Variants in SYNPO2 observed in about 807,000 individuals in gnomAD.
SYNPO2 encodes synaptopodin-2.
In SYNPO2, 56 loss-of-function variants were observed where a neutral mutation model predicts 85.0. The observed-to-expected ratio is 0.66, with a 90% CI of 0.53 to 0.82. The LOEUF (loss-of-function observed/expected upper bound fraction) is 0.82. Among genes scored for constraint, SYNPO2 ranks in the 40% least tolerant of loss-of-function variants. The pLI, the probability that SYNPO2 is intolerant of heterozygous loss-of-function variation, is 0.00. For missense variants in SYNPO2, 1,575 were observed against 1,534.2 expected (o/e 1.03, Z -0.44); for synonymous variants, 602 against 591.1 (o/e 1.02, Z -0.27).
At chr4:118,875,161 A>T (rs2110574876) in intron 1 of SYNPO2, among the ~76,000 whole-genome samples, 1 of 152,314 alleles carries the variant, frequency 6.6e-6, no homozygotes, top group South Asian at 2.1e-4. Context: ...TTCCAGCTCC[A>T]TCCATGTCCT....
At chr4:119,005,324 T>A (rs1008557963) in intron 1 of SYNPO2, among the ~76,000 whole-genome samples, 2 of 152,278 alleles carry the variant, frequency 1.3e-5, no homozygotes, top group Admixed American at 6.5e-5. Context: ...CTGAATGGTA[T>A]TGCCTAGGTT....
chr4:119,048,343 T>A (rs1268378004), intron 4 of SYNPO2, among the ~76,000 whole-genome samples: 1 of 152,214 alleles, frequency 6.6e-6, no homozygotes, highest in Non-Finnish European at 1.5e-5. Context: ...TATGACAGCC[T>A]GATGTAGAAA....
rs757692684 is a variant in SYNPO2 at position 119,030,861 on chromosome 4, A to C, written c.2086A>C (p.Met696Leu). 3.1e-6 allele frequency: 5 copies of C among 1,614,050 alleles called. No homozygotes were observed. The Admixed American group carries it at 6.7e-5, about 22-fold the overall frequency. ...CAAAAGGAGAAGCACGACAAAACCC[A>C]TGTTTACTTTTAAAGAGCCCAAAGT... ...EAKRRSTTKP[M>L]FTFKEPKVSP... Residue 696 changes from methionine to leucine, a missense_variant, in exon 4 of 5, where the codon ATG (methionine) becomes CTG (leucine). By Grantham distance (15) the Met-to-Leu change is conservative. This residue lies in a region of SYNPO2 where 1,508 missense variants were observed against 1,446.8 expected (regional missense o/e 1.04). Coordinates refer to ENST00000307142, the MANE Select transcript of SYNPO2 (RefSeq NM_133477.3).
intron 1 of SYNPO2, among the ~76,000 whole-genome samples, chr4:118,909,877 A>G (rs1385776988): frequency 6.6e-6 from 1 of 152,194 alleles, no homozygotes; most frequent in Admixed American, 6.5e-5. Flanking sequence ...GGTTATCTAT[A>G]AACTAAAATA....
At chr4:119,010,487 C>T (rs1461263873) in intron 1 of SYNPO2, among the ~76,000 whole-genome samples, 1 of 152,200 alleles carries the variant, frequency 6.6e-6, no homozygotes, top group African/African-American at 2.4e-5. Context: ...CCATGACTCA[C>T]ATTATTTCCC....
chr4:118,878,451 G>A (rs1222324467), intron 1 of SYNPO2, among the ~76,000 whole-genome samples: 1 of 152,206 alleles, frequency 6.6e-6, no homozygotes, highest in East Asian at 1.9e-4. Flanking sequence ...ATCTCACTGA[G>A]TTGGTGGAAG....
intron 1 of SYNPO2, among the ~76,000 whole-genome samples, chr4:118,996,729 C>T (rs1029918060): frequency 6.6e-6 from 1 of 151,488 alleles, no homozygotes. Context: ...TGGTGGCACA[C>T]GCCTGTAGTC....
At chr4:118,932,301 A>G (rs1321812508) in intron 1 of SYNPO2, among the ~76,000 whole-genome samples, 1 of 152,216 alleles carries the variant, frequency 6.6e-6, no homozygotes, top group Non-Finnish European at 1.5e-5. Flanking sequence ...GCACCATTTA[A>G]GGTGGAATTC....
chr4:119,023,484 G>A lies in SYNPO2; in HGVS notation c.160G>A (p.Val54Ile), dbSNP rs1737818186. The change falls in exon 2 of 5, where the codon GTT becomes ATT. Residue 54 changes from valine to isoleucine, a missense_variant. Around this residue, in one of 3 missense-constraint regions of SYNPO2, gnomAD observed 12 missense variants for 31.9 expected, o/e 0.38. Coordinates refer to ENST00000307142, the MANE Select transcript of SYNPO2 (RefSeq NM_133477.3). ...TGGGCTCTGTGAGGGAGATGAAGTG[G>A]TTTCCATCAATGGCAACCCTTGTGC... The part of the protein sequence containing the change: ...GSGLCEGDEV[V>I]SINGNPCADL... 6 of 1,613,932 alleles carry A rather than the reference G, an allele frequency of 3.7e-6. No individual in the cohort carries two copies. In the East Asian group the frequency reaches 1.3e-4, roughly 36 times the overall value.
At chr4:118,861,379 G>A (rs1276590042) in intron 1 of SYNPO2, among the ~76,000 whole-genome samples, 5 of 152,010 alleles carry the variant, frequency 3.3e-5, no homozygotes, top group Non-Finnish European at 5.9e-5. Context: ...CACCATGTTA[G>A]CCACGATGGC....
intron 1 of SYNPO2, among the ~76,000 whole-genome samples, chr4:118,882,000 C>G (rs932828023): frequency 3.3e-5 from 5 of 152,216 alleles, no homozygotes; most frequent in Non-Finnish European, 7.3e-5. Context: ...TGTTGATGAT[C>G]TATCTGGCAC....
chr4:118,865,495 T>C (rs1052424150), intron 1 of SYNPO2, among the ~76,000 whole-genome samples: 2 of 152,134 alleles, frequency 1.3e-5, no homozygotes, highest in Non-Finnish European at 2.9e-5. Flanking sequence ...GAAGGGACAA[T>C]AAAAGATGAC....
At chr4:119,032,670 A>G in intron 4 of SYNPO2, 1 of 984,272 alleles carries the variant, frequency 1.0e-6, no homozygotes, top group Non-Finnish European at 1.2e-6. Flanking sequence ...CTTATTATGT[A>G]TTAGGTTCTT....
chr4:118,900,741 G>GTCTATCTA (rs200026031), intron 1 of SYNPO2, among the ~76,000 whole-genome samples: 12,531 of 85,106 alleles, frequency 0.15, 1,233 homozygotes, highest in East Asian at 0.18. Context: ...ATGTCTGTCT[G>GTCTATCTA]TCTATCTATC....
chr4:119,034,785 G>C (rs1738433792), intron 4 of SYNPO2: 1 of 985,382 alleles, frequency 1.0e-6, no homozygotes, highest in South Asian at 4.7e-5. Context: ...CCACCTTTCA[G>C]GTTGGGGCCA....
intron 1 of SYNPO2, among the ~76,000 whole-genome samples, chr4:118,940,025 C>A (rs371004274): frequency 7.0e-6 from 1 of 143,352 alleles, no homozygotes; most frequent in Non-Finnish European, 1.5e-5. Flanking sequence ...CTTGCTCTGT[C>A]CCCGGGCTGG....
At chr4:119,053,893 A>G (rs750839089) in intron 4 of SYNPO2, among the ~76,000 whole-genome samples, 1 of 152,130 alleles carries the variant, frequency 6.6e-6, no homozygotes, top group Non-Finnish European at 1.5e-5. Flanking sequence ...ACCTGTATAT[A>G]TGTTCAGGGG....
intron 1 of SYNPO2, among the ~76,000 whole-genome samples, chr4:118,851,370 C>T (rs1731417075): frequency 6.6e-6 from 1 of 152,018 alleles, no homozygotes; most frequent in South Asian, 2.1e-4. Flanking sequence ...GCCTATAATC[C>T]CAGCTACTTG....
intron 1 of SYNPO2, among the ~76,000 whole-genome samples, chr4:118,974,047 A>G (rs1485215251): frequency 6.6e-6 from 1 of 152,226 alleles, no homozygotes; most frequent in Non-Finnish European, 1.5e-5. Flanking sequence ...TGGTCATATG[A>G]TTTTAATTTT....
Sources: allele counts gnomAD v4.1 joint callset (sites outside exome capture counted in the v4.1 genomes callset), GRCh38; gene constraint gnomAD v4.1.1; regional missense constraint gnomAD v4.1.1; transcripts MANE v1.5; gene names NCBI Gene and HGNC (gene_info 2026-07-23, HGNC 2026-07-21).